GABARAPL2: variants seen among roughly 807,000 people sequenced by gnomAD.
GABARAPL2 encodes GABA type A receptor associated protein like 2, also known as gamma-aminobutyric acid receptor-associated protein-like 2.
GABARAPL2 carries 11 observed loss-of-function variants against 16.9 expected under a neutral mutation model. The observed-to-expected ratio is 0.65, with a 90% CI of 0.41 to 1.08. The LOEUF is 1.08. GABARAPL2 is among the 50% of genes least tolerant of loss of function. The pLI is 0.00. For synonymous variants in GABARAPL2, 57 were observed against 50.7 expected, an observed-to-expected ratio of 1.12 and a Z score of -0.53; for missense variants, 134 against 142.5, an observed-to-expected ratio of 0.94 and a Z score of 0.30.
In GABARAPL2 at chr16:75,577,121, C is replaced by T. The variant is rs1238074672; in HGVS notation, c.264-158C>T. ...TTCTGCAGACTTCATTTATTTTAAT[C>T]TTTTTATGGCTCCTTTCTCTTGCTT... is the stretch of plus-strand genomic sequence containing the variant. On this transcript the variant is annotated intron_variant, in intron 3 of 3. Coordinates refer to ENST00000037243, the MANE Select transcript of GABARAPL2 (RefSeq NM_007285.7). The T allele has an allele frequency of 4.4e-5, 25 of 568,784 alleles. No individual in the cohort carries two copies. The East Asian group carries it at 6.3e-4, about 14-fold the overall frequency. The allele number at this position is 568,784 out of a possible 1,614,324, so 35.2% of individuals were successfully genotyped here.
Position 75,566,896 on chromosome 16 carries a change from G to T in GABARAPL2, c.79G>T (p.Asp27Tyr). The T allele has an allele frequency of 6.2e-6, 10 of 1,613,414 alleles. No individual in the cohort carries two copies. The highest frequency in any genetic ancestry group is 8.5e-6 in the Non-Finnish European group (10 of 1,179,696). Residue 27 changes from aspartate to tyrosine, a missense_variant, in exon 2 of 4, where the codon GAC (aspartate) becomes TAC (tyrosine). Physicochemically the swap from Asp to Tyr is radical, Grantham distance 160 (BLOSUM62 -3). Transcript: ENST00000037243. ...ESAKIRAKYP[D>Y]RVPVIVEKVS... is the part of the protein sequence containing the mutation. ...CGCGAAGATTCGAGCGAAATATCCC[G>T]ACAGGGTTCCGGTGAGTGGACTCTC...
rs1408910039 is a variant in GABARAPL2 at position 75,566,922 on chromosome 16, C to T, written c.90+15C>T. 2 of 1,602,046 alleles carry T rather than the reference C, an allele frequency of 1.2e-6. No homozygotes were observed. Among genetic ancestry groups the T allele is most frequent in the East Asian group, 2.2e-5 (1 of 44,814 alleles). The stretch of plus-strand genomic sequence containing the variant: ...ACAGGGTTCCGGTGAGTGGACTCTC[C>T]GCCCCCTCACCTCGCTGTCACCTCT... On this transcript the variant is annotated intron_variant, in intron 2 of 3. Coordinates refer to ENST00000037243, the MANE Select transcript of GABARAPL2 (RefSeq NM_007285.7).
At chr16:75,566,810 G>C (rs1254434428) in intron 1 of GABARAPL2, 42 bp from the exon 2 acceptor site, 1 of 1,581,722 alleles carries the variant, frequency 6.3e-7, no homozygotes, top group Non-Finnish European at 8.7e-7. Context: ...GAACCGACCG[G>C]TGGGCAGGCG....
At chr16:75,572,270 G>C (rs1189968017) in intron 3 of GABARAPL2, 7 of 152,266 alleles carry the variant, frequency 4.6e-5, no homozygotes, top group Admixed American at 4.6e-4. Flanking sequence ...CTCCAGGATT[G>C]ACAGTAGTGG....
chr16:75,566,973 C>A, intron 2 of GABARAPL2, 66 bp downstream of exon 2: 1 of 1,311,458 alleles, frequency 7.6e-7, no homozygotes, highest in South Asian at 1.2e-5. Context: ...TGATAGGCCC[C>A]AGGCCATTCA....
chr16:75,567,891 G>A, intron 2 of GABARAPL2, 146 bp from the exon 3 acceptor site: 1 of 575,988 alleles, frequency 1.7e-6, no homozygotes. Context: ...AGAGCGTGTG[G>A]TTTATTAAGC....
Position 75,567,174 on chromosome 16 carries a change from G to C in GABARAPL2, c.90+267G>C, listed in dbSNP as rs2080889261. ...CTCCCTGGCCAATTATGTAAGGAACGATGTTCTAGGACAGGGCAACAGGTC... is the reference window on the plus strand; with the variant it reads ...CTCCCTGGCCAATTATGTAAGGAACCATGTTCTAGGACAGGGCAACAGGTC... On this transcript the variant is annotated intron_variant, in intron 2 of 3. Coordinates refer to ENST00000037243, the MANE Select transcript of GABARAPL2 (RefSeq NM_007285.7). 2.0e-5 allele frequency among the ~76,000 whole-genome samples: 3 copies of C among 152,232 alleles called. No homozygotes were observed. The South Asian group carries it at 6.2e-4, about 31-fold the overall frequency.
intron 3 of GABARAPL2, among the ~76,000 whole-genome samples, chr16:75,570,036 C>G (rs938446782): frequency 1.4e-4 from 22 of 152,250 alleles, no homozygotes; most frequent in African/African-American, 5.3e-4. Flanking sequence ...CTCTTTGGCC[C>G]CAGTTAATGA....
chr16:75,569,993 C>T (rs751407034), intron 3 of GABARAPL2, among the ~76,000 whole-genome samples: 1 of 152,160 alleles, frequency 6.6e-6, no homozygotes, highest in African/African-American at 2.4e-5. Flanking sequence ...GATTTAGAGT[C>T]ACCAGCTAGG....
rs2080957344 is a variant in GABARAPL2, at chr16:75,577,539, C to A, written c.*170C>A. On this transcript the variant is annotated 3_prime_UTR_variant, in exon 4 of 4. Transcript: ENST00000037243. ...TTGTTTCCTTAGACTAGTAAATTAT[C>A]ATACAGAGTTTTATTTTGAGTTTTT... 1.8e-6 allele frequency: 1 copy of A among 547,286 alleles called. No individual in the cohort carries two copies. Among genetic ancestry groups the A allele is most frequent in the East Asian group, 2.9e-5 (1 of 34,318 alleles). 33.9% of individuals were successfully genotyped at this position (547,286 alleles called of 1,614,324 possible).
chr16:75,577,159 A>G (rs2080954456), intron 3 of GABARAPL2, 120 bp from the exon 4 acceptor site: 2 of 672,670 alleles, frequency 3.0e-6, no homozygotes, highest in African/African-American at 3.6e-5. Flanking sequence ...AAACAGGATT[A>G]TAAGCACACA....
In GABARAPL2 at chr16:75,577,417, A is replaced by C; in HGVS notation, c.*48A>C. On this transcript the variant is annotated 3_prime_UTR_variant, in exon 4 of 4. Coordinates refer to ENST00000037243, the MANE Select transcript of GABARAPL2 (RefSeq NM_007285.7). Reference sequence around the variant, plus strand: ...ACCGTAACTGCTTGTGTATCTTGTAAATAGCCAGCCATTTTCAGTTATTAT... The same window carrying C: ...ACCGTAACTGCTTGTGTATCTTGTACATAGCCAGCCATTTTCAGTTATTAT... 1 of 1,073,012 alleles carries C rather than the reference A, an allele frequency of 9.3e-7. No individual in the cohort carries two copies. The highest frequency in any genetic ancestry group is 1.5e-6 in the Non-Finnish European group (1 of 686,000). The allele number at this position is 1,073,012 out of a possible 1,614,324, so 66.5% of individuals were successfully genotyped here. A position where few individuals can be genotyped will look rare whatever the true frequency, so the allele number is the denominator to read the frequency against.
At chr16:75,569,540 T>A (rs2080903086) in intron 3 of GABARAPL2, among the ~76,000 whole-genome samples, 1 of 152,242 alleles carries the variant, frequency 6.6e-6, no homozygotes. Context: ...TCTTCTTTCA[T>A]AACATCTGCA....
rs1242459100 is a variant in GABARAPL2, at chr16:75,566,859, A to G, written c.42A>G (p.Arg14=). ...CGTTTGTTTCTCCCACAGAACACAG[A>G]TGCGTGGAGTCCGCGAAGATTCGAG... is the stretch of plus-strand genomic sequence containing the variant. ...MFKEDHSLEH[R]CVESAKIRAK... Residue 14 remains arginine (R), a synonymous_variant, in exon 2 of 4, where the codon AGA becomes AGG. Transcript: ENST00000037243. 4 of 1,613,236 alleles carry G rather than the reference A, an allele frequency of 2.5e-6. 1 individual carries two copies. The Admixed American group carries it at 5.0e-5, about 20-fold the overall frequency.
intron 1 of GABARAPL2, 148 bp downstream of exon 1, chr16:75,566,668 G>C: frequency 1.0e-6 from 1 of 999,930 alleles, no homozygotes; most frequent in Non-Finnish European, 1.5e-6. Flanking sequence ...TCGGGCAGCG[G>C]CCCCCTGACC....
chr16:75,574,589 G>A (rs960764212), intron 3 of GABARAPL2, among the ~76,000 whole-genome samples: 5 of 151,952 alleles, frequency 3.3e-5, no homozygotes, highest in African/African-American at 1.2e-4. Context: ...AAAAATCTTG[G>A]GAGACTCAGC....
At chr16:75,571,921 G>A (rs1424051498) in intron 3 of GABARAPL2, among the ~76,000 whole-genome samples, 6 of 151,896 alleles carry the variant, frequency 4.0e-5, no homozygotes, top group Non-Finnish European at 5.9e-5. Flanking sequence ...CAGGTGATTC[G>A]CCGACCTTGG....
intron 3 of GABARAPL2, among the ~76,000 whole-genome samples, chr16:75,574,492 A>G (rs181119497): frequency 4.9e-4 from 75 of 152,266 alleles, no homozygotes; most frequent in African/African-American, 1.8e-3. Flanking sequence ...TTGTGGCAGT[A>G]GCTGTAGTTG....
intron 3 of GABARAPL2, among the ~76,000 whole-genome samples, chr16:75,574,845 T>C (rs962167422): frequency 2.8e-5 from 1 of 35,244 alleles, no homozygotes; most frequent in African/African-American, 3.7e-4. Context: ...GCCAACATGG[T>C]GAAATCCCAC....
Sources: gnomAD v4.1 joint callset for allele counts (sites outside exome capture counted in the v4.1 genomes callset) on GRCh38, gnomAD v4.1.1 for gene constraint, MANE v1.5 for transcripts, NCBI Gene and HGNC (gene_info 2026-07-23, HGNC 2026-07-21) for gene names.